Variants in FBXW8 observed in about 807,000 individuals in gnomAD.
FBXW8 encodes F-box/WD repeat-containing protein 8.
A neutral mutation model predicts 65.3 loss-of-function variants in FBXW8; 57 were observed. That is an observed-to-expected ratio of 0.87 (90% CI 0.71 to 1.09). The LOEUF is 1.09. FBXW8 is among the 50% of genes least tolerant of loss of function. The pLI, the probability that FBXW8 is intolerant of heterozygous loss-of-function variation, is 0.00. For missense variants in FBXW8, 777 were observed against 814.8 expected, an observed-to-expected ratio of 0.95 and a Z score of 0.57; for synonymous variants, 308 against 330.2, an observed-to-expected ratio of 0.93 and a Z score of 0.73.
At chr12:116,926,098 T>C (rs1881307400) in intron 1 of FBXW8, among the ~76,000 whole-genome samples, 1 of 152,206 alleles carries the variant, frequency 6.6e-6, no homozygotes, top group African/African-American at 2.4e-5. Context: ...GGTAAGACTT[T>C]TCTGCACTAG....
At chr12:116,920,226 T>A (rs1161921101) in intron 1 of FBXW8, among the ~76,000 whole-genome samples, 1 of 152,242 alleles carries the variant, frequency 6.6e-6, no homozygotes, top group African/African-American at 2.4e-5. Flanking sequence ...TTAGCAGGCC[T>A]CCACTTACGA....
rs1883977000 is a variant in FBXW8 at position 116,961,402 on chromosome 12, G to A, written c.678-3295G>A. On this transcript the variant is annotated intron_variant, in intron 4 of 10. Transcript: ENST00000652555. This position sits in a 1 kb window ranked among gnomAD's most constrained non-coding sequence, Gnocchi z 4.4. The stretch of plus-strand genomic sequence containing the variant: ...GAGGTGAGGTACTGCAGCAAGGTGG[G>A]GCAGAGAATCAGAGTTCAGAGGCAA... 2.0e-5 allele frequency among the ~76,000 whole-genome samples: 3 copies of A among 152,150 alleles called. No homozygotes were observed. In the South Asian group the frequency reaches 6.2e-4, roughly 32 times the overall value.
chr12:116,968,769 C>T (rs1884476017), intron 5 of FBXW8, among the ~76,000 whole-genome samples: 1 of 151,960 alleles, frequency 6.6e-6, no homozygotes, highest in Middle Eastern at 3.4e-3. Flanking sequence ...GAAATGGTCA[C>T]CAAGTGTAGT....
chr12:116,923,112 A>G (rs1027456697), intron 1 of FBXW8, among the ~76,000 whole-genome samples: 2 of 152,142 alleles, frequency 1.3e-5, no homozygotes, highest in Non-Finnish European at 2.9e-5. Context: ...AGGCTGAGGC[A>G]TGAGAATCGC....
chr12:116,942,219 G>C (rs557556185), intron 2 of FBXW8, among the ~76,000 whole-genome samples: 1 of 151,248 alleles, frequency 6.6e-6, no homozygotes, highest in African/African-American at 2.4e-5. Context: ...TGTAGAGATG[G>C]GGTCTCACTG....
At position 117,028,326 on chromosome 12, in the gene FBXW8, C is replaced by CA. The variant is rs1954288459; in HGVS notation, c.*155dup. ...ACAGCACGCATCTCCCTGACCCCTG[C>CA]ACTTCCCCCAGCGCCTGGGGCAAGC... On this transcript the variant is annotated 3_prime_UTR_variant, in exon 11 of 11. Coordinates refer to ENST00000652555, the MANE Select transcript of FBXW8 (RefSeq NM_153348.3). This position sits in a 1 kb window ranked among gnomAD's most constrained non-coding sequence, Gnocchi z 4.1. The CA allele has an allele frequency of 1.1e-6, 1 of 913,610 alleles. No homozygotes were observed. Among genetic ancestry groups the CA allele is most frequent in the East Asian group, 2.7e-5 (1 of 37,428 alleles). The allele number at this position is 913,610 out of a possible 1,614,324, so 56.6% of individuals were successfully genotyped here.
At chr12:117,026,965 G>T (rs150198818) in intron 9 of FBXW8, among the ~76,000 whole-genome samples, 1 of 152,194 alleles carries the variant, frequency 6.6e-6, no homozygotes, top group African/African-American at 2.4e-5. Flanking sequence ...GATGTGGGGG[G>T]CACCTTCATG....
At position 116,926,069 on chromosome 12, in the gene FBXW8, G is replaced by A. The variant is rs556623781; in HGVS notation, c.319-1954G>A. Among the ~76,000 whole-genome samples, 4 of 152,322 alleles carry A rather than the reference G, an allele frequency of 2.6e-5. No homozygotes were observed. In the South Asian group the frequency reaches 6.2e-4, roughly 24 times the overall value. The stretch of plus-strand genomic sequence containing the variant: ...AGGCCAGCTGAGTAGGCAAAAGACA[G>A]AAGGCTCCTGTTACTAGAGGTAAGA... On this transcript the variant is annotated intron_variant, in intron 1 of 10. Transcript: ENST00000652555.
At chr12:116,967,754 C>T (rs561916586) in intron 5 of FBXW8, among the ~76,000 whole-genome samples, 4 of 152,128 alleles carry the variant, frequency 2.6e-5, no homozygotes, top group South Asian at 2.1e-4. Context: ...ATATTTTTTC[C>T]GTAAGTCACT....
intron 4 of FBXW8, among the ~76,000 whole-genome samples, chr12:116,954,869 T>G (rs1054330289): frequency 6.6e-6 from 1 of 152,146 alleles, no homozygotes. Flanking sequence ...CCCCTCTTCC[T>G]TCCTCCCCGT....
chr12:116,955,558 G>A (rs1462813362), intron 4 of FBXW8, among the ~76,000 whole-genome samples: 2 of 152,190 alleles, frequency 1.3e-5, no homozygotes, highest in Non-Finnish European at 2.9e-5. Flanking sequence ...TGTCTAGAAA[G>A]TTAGTTGATA....
At chr12:116,942,754 T>C (rs1253233889) in intron 2 of FBXW8, among the ~76,000 whole-genome samples, 2 of 150,684 alleles carry the variant, frequency 1.3e-5, no homozygotes, top group Non-Finnish European at 2.9e-5. Flanking sequence ...CTGTACTTTT[T>C]AACTCCAGAG....
At chr12:116,935,599 C>CT (rs2137323886) in intron 2 of FBXW8, among the ~76,000 whole-genome samples, 1 of 152,294 alleles carries the variant, frequency 6.6e-6, no homozygotes, top group South Asian at 2.1e-4. Flanking sequence ...TGGCTGCCTC[C>CT]TTTAAGCACA....
intron 4 of FBXW8, among the ~76,000 whole-genome samples, chr12:116,958,525 C>A (rs1173977033): frequency 6.6e-6 from 1 of 152,224 alleles, no homozygotes; most frequent in South Asian, 2.1e-4. Context: ...ATTCCGTCAA[C>A]ACCCACTAAG....
intron 7 of FBXW8, among the ~76,000 whole-genome samples, chr12:117,008,072 A>G (rs1953721229): frequency 6.6e-6 from 1 of 152,256 alleles, no homozygotes. Flanking sequence ...GAAAGGGATT[A>G]CATCTCACTA....
chr12:116,988,707 G>A lies in FBXW8; in HGVS notation c.1077G>A (p.Val359=). 1 of 1,614,160 alleles carries A rather than the reference G, an allele frequency of 6.2e-7. No homozygotes were observed. The highest frequency in any genetic ancestry group is 8.5e-7 in the Non-Finnish European group (1 of 1,180,024). Reference sequence around the variant, plus strand: ...TTCCAGAAACCAGAAGGTACCCTGTGGCAGTAGCCGCTGCTGGAGATCTGA... The same window carrying A: ...TTCCAGAAACCAGAAGGTACCCTGTAGCAGTAGCCGCTGCTGGAGATCTGA... ...EIVPETRRYP[V]AVAAAGDLMY... is the part of the protein sequence containing the mutation. The change falls in exon 7 of 11, where the codon GTG becomes GTA. Residue 359 remains valine (V), a synonymous_variant. Transcript: ENST00000652555.
At chr12:116,989,216 A>G (rs1953177281) in intron 7 of FBXW8, among the ~76,000 whole-genome samples, 1 of 152,228 alleles carries the variant, frequency 6.6e-6, no homozygotes, top group Non-Finnish European at 1.5e-5. Context: ...TTTTTACTCC[A>G]TAATGTGCCT....
At position 117,028,102 on chromosome 12, in the gene FBXW8, G is replaced by A. The variant is rs762672210; in HGVS notation, c.1727G>A (p.Arg576His). The A allele has an allele frequency of 5.6e-6, 9 of 1,614,012 alleles. No individual in the cohort carries two copies. Among genetic ancestry groups the A allele is most frequent in the Admixed American group, 5.0e-5 (3 of 60,002 alleles). ...TTCCAGAGCCCTCTCCCTGTCTGCC[G>A]TTCATCCTGTGACGCCATGGCCACT... ...LAFQSPLPVCRSSCDAMATHY... is the reference protein window; with the variant it reads ...LAFQSPLPVCHSSCDAMATHY... Residue 576 changes from arginine (R) to histidine (H), a missense_variant, in exon 11 of 11, where the codon CGT (arginine) becomes CAT (histidine). Physicochemically the swap from Arg to His is conservative, Grantham distance 29 (BLOSUM62 0). Coordinates refer to ENST00000652555, the MANE Select transcript of FBXW8 (RefSeq NM_153348.3). This position sits in a 1 kb window ranked among gnomAD's most constrained non-coding sequence, Gnocchi z 4.1.
chr12:116,923,686 G>T (rs1011664987), intron 1 of FBXW8, among the ~76,000 whole-genome samples: 2 of 150,100 alleles, frequency 1.3e-5, no homozygotes, highest in Non-Finnish European at 3.0e-5. Flanking sequence ...ACCACACCCG[G>T]CTAATTTTTT....
Sources: allele counts gnomAD v4.1 joint callset (sites outside exome capture counted in the v4.1 genomes callset), GRCh38; gene constraint gnomAD v4.1.1; non-coding constraint Gnocchi (gnomAD v3.1); transcripts MANE v1.5; gene names NCBI Gene and HGNC (gene_info 2026-07-23, HGNC 2026-07-21).